Variants in PCDH15 observed in about 807,000 individuals in gnomAD.
PCDH15 encodes protocadherin-15.
A neutral mutation model predicts 178.5 loss-of-function variants in PCDH15; 129 were observed. The ratio of observed to expected loss-of-function variants is 0.72; its 90% CI spans 0.63 to 0.84. The LOEUF (loss-of-function observed/expected upper bound fraction) is 0.84, where lower values mean the gene tolerates loss of function less well. Ranked by LOEUF, PCDH15 falls within the 40% of genes least tolerant of loss-of-function variation. The pLI is 0.00. For missense variants in PCDH15, 2,230 were observed against 2,099.9 expected (o/e 1.06, Z -1.21); for synonymous variants, 800 against 732.0 (o/e 1.09, Z -1.50).
At chr10:55,511,689 T>C (rs1840888550) in intron 2 of PCDH15, among the ~76,000 whole-genome samples, 1 of 152,080 alleles carries the variant, frequency 6.6e-6, no homozygotes, top group Non-Finnish European at 1.5e-5. Context: ...GCAAAGCTCC[T>C]CTAATAAAGC....
chr10:55,236,118 G>A (rs117265656), intron 1 of PCDH15, among the ~76,000 whole-genome samples: 1,573 of 151,600 alleles, frequency 0.01, 11 homozygotes, highest in Non-Finnish European at 0.017. Flanking sequence ...TTGAAAGGTA[G>A]TTATAATATT....
chr10:54,159,679 T>C (rs921804964), intron 13 of PCDH15, among the ~76,000 whole-genome samples: 4 of 152,148 alleles, frequency 2.6e-5, no homozygotes, highest in African/African-American at 9.7e-5. Flanking sequence ...ATGTAATCAT[T>C]AATACAATAA....
chr10:54,022,910 A>G lies in PCDH15; in HGVS notation c.2508T>C (p.Thr836=). Reference sequence around the variant, plus strand: ...CACACACCTCTATTTGAAGGATGGTAGTCCCAGCTGGCAAATTCTCTTCAA... The same window carrying G: ...CACACACCTCTATTTGAAGGATGGTGGTCCCAGCTGGCAAATTCTCTTCAA... ...VLVEENLPAG[T]TILQIEAKDV... The change falls in exon 19 of 38, where the codon ACT becomes ACC. Residue 836 remains threonine, a synonymous_variant. Coordinates refer to ENST00000644397, the MANE Select transcript of PCDH15 (RefSeq NM_001384140.1). The G allele has an allele frequency of 5.0e-6, 8 of 1,613,894 alleles. No homozygotes were observed. The highest frequency in any genetic ancestry group is 6.8e-6 in the Non-Finnish European group (8 of 1,179,792).
chr10:55,505,641 T>C (rs1238897366), intron 2 of PCDH15, among the ~76,000 whole-genome samples: 1 of 151,422 alleles, frequency 6.6e-6, no homozygotes, highest in Non-Finnish European at 1.5e-5. Context: ...TTAAATTCAG[T>C]TTATTTTTAC....
At chr10:54,188,834 A>G (rs1295555991) in intron 11 of PCDH15, among the ~76,000 whole-genome samples, 1 of 151,948 alleles carries the variant, frequency 6.6e-6, no homozygotes, top group Non-Finnish European at 1.5e-5. Context: ...CACATACAAC[A>G]CAGACATGTA....
At position 53,809,525 on chromosome 10, in the gene PCDH15, T is replaced by C. The variant is rs560599801; in HGVS notation, c.4671+1031A>G. Reference sequence around the variant, plus strand: ...GGCTCTCTAATTTCAACCTTTGGTTTTTTAATTTTCTTTGGCTCTTCCTGA... The same window carrying C: ...GGCTCTCTAATTTCAACCTTTGGTTCTTTAATTTTCTTTGGCTCTTCCTGA... On this transcript the variant is annotated intron_variant, in intron 37 of 37. Coordinates refer to ENST00000644397, the MANE Select transcript of PCDH15 (RefSeq NM_001384140.1). 26 of 1,607,130 alleles carry C rather than the reference T, an allele frequency of 1.6e-5. No homozygotes were observed. In the South Asian group the frequency reaches 2.5e-4, roughly 15 times the overall value.
chr10:54,411,522 G>A (rs1174666820), intron 3 of PCDH15, among the ~76,000 whole-genome samples: 6 of 152,096 alleles, frequency 3.9e-5, no homozygotes, highest in Non-Finnish European at 8.8e-5. Context: ...TAGTCTCTCT[G>A]TCCCACAGTG....
chr10:54,579,800 T>C (rs1200521124), intron 2 of PCDH15, among the ~76,000 whole-genome samples: 3 of 152,024 alleles, frequency 2.0e-5, no homozygotes, highest in African/African-American at 7.2e-5. Context: ...CACAGTAGAT[T>C]AAAACCAGAA....
intron 2 of PCDH15, among the ~76,000 whole-genome samples, chr10:55,547,256 A>G (rs867491986): frequency 1.8e-4 from 28 of 152,174 alleles, no homozygotes; most frequent in Non-Finnish European, 3.7e-4. Flanking sequence ...ACAGATATCA[A>G]TGATACAGTT....
chr10:55,557,390 G>T (rs1842112451), intron 2 of PCDH15, among the ~76,000 whole-genome samples: 1 of 152,032 alleles, frequency 6.6e-6, no homozygotes, highest in African/African-American at 2.4e-5. Context: ...ATCAGAACTG[G>T]TTACCATAAA....
At chr10:54,853,289 G>GTGTATATATATATATA (rs1249570811) in intron 3 of PCDH15, among the ~76,000 whole-genome samples, 1 of 102,576 alleles carries the variant, frequency 9.7e-6, no homozygotes, top group Non-Finnish European at 1.9e-5. Flanking sequence ...ATGTATGTGT[G>GTGTATATATATATATA]TATATATATA....
At chr10:54,997,617 A>G (rs1839680557) in intron 2 of PCDH15, among the ~76,000 whole-genome samples, 1 of 152,198 alleles carries the variant, frequency 6.6e-6, no homozygotes, top group South Asian at 2.1e-4. Flanking sequence ...AAACTAATAT[A>G]ATGTTTTTGG....
intron 1 of PCDH15, among the ~76,000 whole-genome samples, chr10:54,784,491 CTA>C (rs1431839014): frequency 1.3e-5 from 2 of 151,972 alleles, no homozygotes; most frequent in East Asian, 3.9e-4. Context: ...GTCAAAAATA[CTA>C]TGTCCAGCAA....
chr10:55,028,605 T>A (rs1406829140), intron 2 of PCDH15, among the ~76,000 whole-genome samples: 2 of 151,812 alleles, frequency 1.3e-5, no homozygotes, highest in Non-Finnish European at 2.9e-5. Context: ...AGACTTCGCA[T>A]TTTTTTTCTT....
At chr10:55,362,676 G>T (rs1404882050) in intron 2 of PCDH15, among the ~76,000 whole-genome samples, 1 of 152,072 alleles carries the variant, frequency 6.6e-6, no homozygotes, top group Admixed American at 6.6e-5. Flanking sequence ...ATGCATGTGT[G>T]CATGTTTAGG....
At chr10:54,095,550 G>A (rs1311254990) in intron 15 of PCDH15, among the ~76,000 whole-genome samples, 2 of 151,984 alleles carry the variant, frequency 1.3e-5, no homozygotes, top group East Asian at 1.9e-4. Context: ...CTGCACACAG[G>A]AGAGCCATAA....
At chr10:54,864,740 C>G (rs1953905630) in intron 3 of PCDH15, 1 of 152,134 alleles carries the variant, frequency 6.6e-6, no homozygotes, top group African/African-American at 2.4e-5. Context: ...AGTCTCTGGC[C>G]ATGTGCATTT....
At chr10:55,492,736 G>T (rs147790619) in intron 2 of PCDH15, among the ~76,000 whole-genome samples, 5 of 151,812 alleles carry the variant, frequency 3.3e-5, no homozygotes, top group African/African-American at 1.2e-4. Flanking sequence ...TCAAACATTA[G>T]GTTCAGCAGA....
At chr10:54,685,919 G>GT (rs1399730369) in intron 1 of PCDH15, among the ~76,000 whole-genome samples, 2 of 151,936 alleles carry the variant, frequency 1.3e-5, no homozygotes, top group Non-Finnish European at 2.9e-5. Flanking sequence ...TTGAACCACT[G>GT]TAAGTTGGCG....
Sources: gnomAD v4.1 joint callset for allele counts (sites outside exome capture counted in the v4.1 genomes callset) on GRCh38, gnomAD v4.1.1 for gene constraint, MANE v1.5 for transcripts, NCBI Gene and HGNC (gene_info 2026-07-23, HGNC 2026-07-21) for gene names.